FAM220A: variants seen among roughly 807,000 people sequenced by gnomAD.
The protein encoded by FAM220A is protein FAM220A.
For missense variants in FAM220A, 392 were observed against 321.6 expected (o/e 1.22, Z -1.68); for synonymous variants, 141 against 130.7 (o/e 1.08, Z -0.54).
Position 6,329,481 on chromosome 7 carries a change from A to C in FAM220A, c.*894T>G, listed in dbSNP as rs1233087407. ...CATTTTCCCCAAACACTAAAATAGC[A>C]CATGGCATAGTAATTCAGCACACAG... On this transcript the variant is annotated 3_prime_UTR_variant, in exon 2 of 2. Coordinates refer to ENST00000313324, the MANE Select transcript of FAM220A (RefSeq NM_001037163.2). The C allele has an allele frequency of 6.5e-6, 1 of 152,704 alleles. No individual in the cohort carries two copies. Among genetic ancestry groups the C allele is most frequent in the Non-Finnish European group, 1.5e-5 (1 of 68,044 alleles). 9.5% of individuals were successfully genotyped at this position (152,704 alleles called of 1,614,324 possible).
At chr7:6,334,542 A>G (rs1435497798) in intron 1 of FAM220A, among the ~76,000 whole-genome samples, 1 of 152,058 alleles carries the variant, frequency 6.6e-6, no homozygotes, top group Non-Finnish European at 1.5e-5. Context: ...ATCACAGCTT[A>G]CTGCAAACTC....
chr7:6,332,541 G>A (rs1781658183), intron 1 of FAM220A, among the ~76,000 whole-genome samples: 1 of 152,086 alleles, frequency 6.6e-6, no homozygotes, highest in Non-Finnish European at 1.5e-5. Flanking sequence ...CCCTCAGCCA[G>A]GCGTGGTGGC....
rs1425682091 is a variant in FAM220A, at chr7:6,348,619, G to C, written c.-128C>G. 4.0e-6 allele frequency: 2 copies of C among 494,048 alleles called. No individual in the cohort carries two copies. Among genetic ancestry groups the C allele is most frequent in the Non-Finnish European group, 7.3e-6 (2 of 274,450 alleles). 30.6% of individuals were successfully genotyped at this position (494,048 alleles called of 1,614,324 possible). A position where few individuals can be genotyped will look rare whatever the true frequency, so the allele number is the denominator to read the frequency against. On this transcript the variant is annotated 5_prime_UTR_variant, in exon 1 of 2. Coordinates refer to ENST00000313324, the MANE Select transcript of FAM220A (RefSeq NM_001037163.2). ...CATGGAAGCCACGATGTAGAGGTAG[G>C]GGAAGTTGATACGCAGCCGCCAGGC...
chr7:6,339,547 A>G (rs10278424), intron 1 of FAM220A, among the ~76,000 whole-genome samples: 67,045 of 150,530 alleles, frequency 0.45, 15,667 homozygotes, highest in East Asian at 0.88. Flanking sequence ...GCAGTGGAGC[A>G]ATCTCAGCTC....
At position 6,330,993 on chromosome 7, in the gene FAM220A, T is replaced by C. The variant is rs747278984; in HGVS notation, c.162A>G (p.Gly54=). Residue 54 remains glycine, a synonymous_variant, in exon 2 of 2, where the codon GGA becomes GGG. Coordinates refer to ENST00000313324, the MANE Select transcript of FAM220A (RefSeq NM_001037163.2). ...GTGATAATGCCTCACTTTGTGAATT[T>C]CCATCAACCACAGGCTTATTCATCC... is the stretch of plus-strand genomic sequence containing the variant. ...PSWMNKPVVD[G]NSQSEALSLE... The C allele has an allele frequency of 1.2e-6, 2 of 1,614,242 alleles. No individual in the cohort carries two copies. Among genetic ancestry groups the C allele is most frequent in the East Asian group, 4.5e-5 (2 of 44,894 alleles).
rs1781709901 is a variant in FAM220A, at chr7:6,334,640, A to G, written c.-81-3405T>C. Among the ~76,000 whole-genome samples the G allele has an allele frequency of 2.0e-5, 3 of 151,816 alleles. No homozygotes were observed. The South Asian group carries it at 6.2e-4, about 32-fold the overall frequency. Reference sequence around the variant, plus strand: ...CACCGCCACGCCCGGCTAATTTTTTATATTTTGGTAGAGATGGGGTTCCAC... The same window carrying G: ...CACCGCCACGCCCGGCTAATTTTTTGTATTTTGGTAGAGATGGGGTTCCAC... On this transcript the variant is annotated intron_variant, in intron 1 of 1. Transcript: ENST00000313324.
chr7:6,337,664 TA>T (rs1781773139), intron 1 of FAM220A, among the ~76,000 whole-genome samples: 1 of 151,602 alleles, frequency 6.6e-6, no homozygotes, highest in African/African-American at 2.4e-5. Flanking sequence ...CTCAGAAACA[TA>T]AAAAAATTCA....
At chr7:6,337,760 C>G (rs1048633635) in intron 1 of FAM220A, among the ~76,000 whole-genome samples, 1 of 151,446 alleles carries the variant, frequency 6.6e-6, no homozygotes, top group African/African-American at 2.4e-5. Flanking sequence ...CAGTAATAAA[C>G]TATTTAATTC....
chr7:6,338,168 G>A (rs574022784), intron 1 of FAM220A, among the ~76,000 whole-genome samples: 1 of 152,024 alleles, frequency 6.6e-6, no homozygotes, highest in African/African-American at 2.4e-5. Flanking sequence ...ACCTCTTCTG[G>A]TATTAGACTG....
intron 1 of FAM220A, among the ~76,000 whole-genome samples, chr7:6,339,809 G>A (rs527676159): frequency 2.0e-5 from 3 of 151,704 alleles, no homozygotes; most frequent in South Asian, 2.1e-4. Flanking sequence ...TCCCCCTCCC[G>A]GTCCCCTGGA....
rs1235318396 is a variant in FAM220A at position 6,333,131 on chromosome 7, T to TG, written c.-81-1897dup. ...GAGATCCCACCACTGCACTCCAGCC[T>TG]GGCGACAGAGCAAGACTCCATCCCA... On this transcript the variant is annotated intron_variant, in intron 1 of 1. Coordinates refer to ENST00000313324, the MANE Select transcript of FAM220A (RefSeq NM_001037163.2). 1.2e-4 allele frequency among the ~76,000 whole-genome samples: 18 copies of TG among 147,856 alleles called. No individual in the cohort carries two copies. The East Asian group carries it at 2.2e-3, about 18-fold the overall frequency.
At chr7:6,331,282 T>C (rs1245106046) in intron 1 of FAM220A, 47 bp from the exon 2 acceptor site, 1 of 887,502 alleles carries the variant, frequency 1.1e-6, no homozygotes. Context: ...GACACATGGG[T>C]CTTAAGAGCA....
chr7:6,341,304 C>G (rs28801197), intron 1 of FAM220A, among the ~76,000 whole-genome samples: 91,048 of 149,370 alleles, frequency 0.61, 29,272 homozygotes, highest in East Asian at 0.91. Flanking sequence ...TTGGCTGGGC[C>G]TGGTGGCGGG....
At chr7:6,340,104 C>G (rs1334652236) in intron 1 of FAM220A, among the ~76,000 whole-genome samples, 1 of 151,952 alleles carries the variant, frequency 6.6e-6, no homozygotes, top group Non-Finnish European at 1.5e-5. Flanking sequence ...AGGCTGGTCT[C>G]AAACTCCTGA....
chr7:6,335,301 C>T (rs1460495458), intron 1 of FAM220A, among the ~76,000 whole-genome samples: 2 of 151,882 alleles, frequency 1.3e-5, no homozygotes, highest in Non-Finnish European at 2.9e-5. Context: ...CGGCTCACTA[C>T]AACCTCTGCC....
intron 1 of FAM220A, among the ~76,000 whole-genome samples, chr7:6,343,849 T>C (rs1429138176): frequency 6.6e-6 from 1 of 152,108 alleles, no homozygotes; most frequent in Non-Finnish European, 1.5e-5. Flanking sequence ...TAGGCCTTAT[T>C]ACTCATGAAA....
At chr7:6,340,261 T>G (rs1233936137) in intron 1 of FAM220A, among the ~76,000 whole-genome samples, 2 of 152,104 alleles carry the variant, frequency 1.3e-5, no homozygotes, top group East Asian at 1.9e-4. Context: ...CTGACTAGCA[T>G]CCTAAGGGCA....
At chr7:6,344,397 G>A (rs1276137332) in intron 1 of FAM220A, among the ~76,000 whole-genome samples, 2 of 152,100 alleles carry the variant, frequency 1.3e-5, no homozygotes, top group Non-Finnish European at 2.9e-5. Flanking sequence ...TGTTGCACTT[G>A]GTCAAGCCCA....
At position 6,330,293 on chromosome 7, in the gene FAM220A, G is replaced by A; in HGVS notation, c.*82C>T. The A allele has an allele frequency of 7.6e-7, 1 of 1,323,418 alleles. No homozygotes were observed. The highest frequency in any genetic ancestry group is 1.0e-6 in the Non-Finnish European group (1 of 954,470). 82.0% of individuals were successfully genotyped at this position (1,323,418 alleles called of 1,614,324 possible). A position where few individuals can be genotyped will look rare whatever the true frequency, so the allele number is the denominator to read the frequency against. Reference sequence around the variant, plus strand: ...ACAGCAGGAACCTAAGGGCTGCACAGTTTGCATCCAGACTTAATGCGAAAG... The same window carrying A: ...ACAGCAGGAACCTAAGGGCTGCACAATTTGCATCCAGACTTAATGCGAAAG... On this transcript the variant is annotated 3_prime_UTR_variant, in exon 2 of 2. Coordinates refer to ENST00000313324, the MANE Select transcript of FAM220A (RefSeq NM_001037163.2).
Sources: allele counts gnomAD v4.1 joint callset (sites outside exome capture counted in the v4.1 genomes callset), GRCh38; gene constraint gnomAD v4.1.1; transcripts MANE v1.5; gene names NCBI Gene and HGNC (gene_info 2026-07-23, HGNC 2026-07-21).